MEMO1: variants seen among roughly 807,000 people sequenced by gnomAD.
MEMO1 encodes the protein protein MEMO1.
MEMO1 carries 6 observed loss-of-function variants against 45.2 expected under a neutral mutation model. That is an observed-to-expected ratio of 0.13 (90% CI 0.07 to 0.26). The LOEUF (loss-of-function observed/expected upper bound fraction) is 0.26, where lower values mean the gene tolerates loss of function less well. Ranked by LOEUF, MEMO1 falls within the 10% of genes least tolerant of loss-of-function variation. The pLI, the probability that MEMO1 is intolerant of heterozygous loss-of-function variation, is 1.00. For missense variants in MEMO1, 184 were observed against 370.5 expected (o/e 0.50, Z 4.13); for synonymous variants, 78 against 124.3 (o/e 0.63, Z 2.48).
chr2:31,876,100 G>A (rs1674520279), intron 8 of MEMO1, among the ~76,000 whole-genome samples: 1 of 152,026 alleles, frequency 6.6e-6, no homozygotes, highest in African/African-American at 2.4e-5. Context: ...CTTATATAAA[G>A]TTCTTACCTT....
chr2:31,938,447 C>T (rs943420577), intron 3 of MEMO1, among the ~76,000 whole-genome samples: 1 of 151,742 alleles, frequency 6.6e-6, no homozygotes, highest in Non-Finnish European at 1.5e-5. Flanking sequence ...GAGATCGAGA[C>T]CATCCTGGCT....
chr2:31,943,539 T>C (rs1665859839), intron 2 of MEMO1, among the ~76,000 whole-genome samples, 156 bp from the exon 3 acceptor site: 2 of 152,222 alleles, frequency 1.3e-5, no homozygotes, highest in African/African-American at 2.4e-5. Flanking sequence ...ATTTACCAAC[T>C]ACACAGTCTC....
chr2:32,009,779 G>A (rs1396474586), intron 2 of MEMO1, among the ~76,000 whole-genome samples: 1 of 152,146 alleles, frequency 6.6e-6, no homozygotes, highest in Non-Finnish European at 1.5e-5. Flanking sequence ...GCGGGGCTCG[G>A]CGCCGGGCAC....
intron 2 of MEMO1, among the ~76,000 whole-genome samples, chr2:31,995,980 C>T (rs1449073969): frequency 1.3e-5 from 2 of 152,118 alleles, no homozygotes; most frequent in Admixed American, 6.6e-5. Context: ...TAAAGTGCTA[C>T]AACACACCAA....
chr2:32,004,175 TG>T, intron 2 of MEMO1, among the ~76,000 whole-genome samples: 1 of 152,142 alleles, frequency 6.6e-6, no homozygotes, highest in Non-Finnish European at 1.5e-5. Flanking sequence ...AGCAAGACCC[TG>T]TCTCAAATAA....
At chr2:31,958,529 A>G (rs1314765648) in intron 2 of MEMO1, among the ~76,000 whole-genome samples, 1 of 152,052 alleles carries the variant, frequency 6.6e-6, no homozygotes, top group African/African-American at 2.4e-5. Flanking sequence ...TCTATTTAAG[A>G]AATAAGAACC....
At chr2:31,899,623 G>A (rs537161208) in intron 6 of MEMO1, among the ~76,000 whole-genome samples, 1 of 152,246 alleles carries the variant, frequency 6.6e-6, no homozygotes, top group South Asian at 2.1e-4. Context: ...CATATGCATG[G>A]GCAAAGTCTT....
intron 2 of MEMO1, among the ~76,000 whole-genome samples, chr2:31,992,126 G>T (rs1320859365): frequency 6.6e-6 from 1 of 152,198 alleles, no homozygotes; most frequent in East Asian, 1.9e-4. Context: ...ACATAAAAAG[G>T]CATATTTCTT....
At chr2:31,922,388 T>G (rs1284260186) in intron 4 of MEMO1, among the ~76,000 whole-genome samples, 2 of 151,844 alleles carry the variant, frequency 1.3e-5, no homozygotes, top group Non-Finnish European at 2.9e-5. Flanking sequence ...ATTCTCAGTT[T>G]AGAGTCCCAA....
At chr2:31,963,154 C>T in intron 2 of MEMO1, 1 of 1,529,202 alleles carries the variant, frequency 6.5e-7, no homozygotes, top group Non-Finnish European at 8.8e-7. Flanking sequence ...GGGCTTCAGA[C>T]TCAAAGTGAA....
intron 2 of MEMO1, chr2:31,963,393 C>A: frequency 9.5e-7 from 1 of 1,048,778 alleles, no homozygotes; most frequent in Non-Finnish European, 1.2e-6. Context: ...ACTAATACTC[C>A]AAGAAGCAAG....
At chr2:31,984,050 G>C (rs1670977372) in intron 2 of MEMO1, among the ~76,000 whole-genome samples, 1 of 152,228 alleles carries the variant, frequency 6.6e-6, no homozygotes, top group Non-Finnish European at 1.5e-5. Context: ...GAGGGGCAGA[G>C]ACAAATCTTC....
intron 2 of MEMO1, among the ~76,000 whole-genome samples, chr2:31,980,541 G>GA (rs1253847878): frequency 6.6e-6 from 1 of 151,758 alleles, no homozygotes; most frequent in African/African-American, 2.4e-5. Context: ...CAAATTACTT[G>GA]AACTCTGTCA....
intron 2 of MEMO1, among the ~76,000 whole-genome samples, chr2:31,958,357 G>T (rs766184609): frequency 6.0e-5 from 9 of 150,964 alleles, no homozygotes; most frequent in Admixed American, 2.6e-4. Flanking sequence ...AAGCAGACGT[G>T]TTAATGTAAA....
chr2:31,992,594 G>A (rs1167662299), intron 2 of MEMO1, among the ~76,000 whole-genome samples: 1 of 152,198 alleles, frequency 6.6e-6, no homozygotes, highest in Non-Finnish European at 1.5e-5. Context: ...GACCAGCCTG[G>A]CCAACATGGC....
At chr2:31,926,376 G>GAAA (rs35245442) in intron 4 of MEMO1, among the ~76,000 whole-genome samples, 1 of 120,214 alleles carries the variant, frequency 8.3e-6, no homozygotes, top group African/African-American at 3.1e-5. Context: ...TCTCAAAAGG[G>GAAA]AAAAAAAAAA....
chr2:31,875,255 G>A (rs185351874), intron 8 of MEMO1, among the ~76,000 whole-genome samples: 175 of 152,192 alleles, frequency 1.1e-3, no homozygotes, highest in Non-Finnish European at 1.7e-3. Context: ...TTATGTTCCA[G>A]TAATTTGGGA....
At chr2:31,961,043 T>C (rs1667951916) in intron 2 of MEMO1, among the ~76,000 whole-genome samples, 2 of 152,320 alleles carry the variant, frequency 1.3e-5, no homozygotes, top group South Asian at 4.1e-4. Flanking sequence ...AATTTAGATA[T>C]ACTTGATGTT....
rs961625403 is a variant in MEMO1, at chr2:31,985,033, T to C, written c.61+25154A>G. Among the ~76,000 whole-genome samples the C allele has an allele frequency of 3.9e-5, 6 of 152,282 alleles. No individual in the cohort carries two copies. In the South Asian group the frequency reaches 1.0e-3, roughly 26 times the overall value. Reference sequence around the variant, plus strand: ...ATAACTTTTCAGTAAATCTAAAATCTTTCCAAACTAAAAGGTCATTAAAAT... The same window carrying C: ...ATAACTTTTCAGTAAATCTAAAATCCTTCCAAACTAAAAGGTCATTAAAAT... On this transcript the variant is annotated intron_variant, in intron 2 of 9. Transcript: ENST00000404530.
Sources: gnomAD v4.1 joint callset for allele counts (sites outside exome capture counted in the v4.1 genomes callset) on GRCh38, gnomAD v4.1.1 for gene constraint, MANE v1.5 for transcripts, NCBI Gene and HGNC (gene_info 2026-07-23, HGNC 2026-07-21) for gene names.